Variants in PCSK5 observed in about 807,000 individuals in gnomAD.
PCSK5 encodes proprotein convertase subtilisin/kexin type 5, also known as prohormone convertase 5.
In PCSK5, 129 loss-of-function variants were observed where a neutral mutation model predicts 233.2. The ratio of observed to expected loss-of-function variants is 0.55; its 90% CI spans 0.48 to 0.64. The LOEUF is 0.64. PCSK5 is among the 30% of genes least tolerant of loss of function. The probability of loss-of-function intolerance (pLI) is 0.00; values close to 1 mark genes in which losing one functional copy is unlikely to be tolerated. For synonymous variants in PCSK5, 825 were observed against 879.2 expected (o/e 0.94, Z 1.09); for missense variants, 2,076 against 2,430.1 (o/e 0.85, Z 3.06).
rs910081352 is a variant in PCSK5, at chr9:76,300,850, T to C, written c.3524-1287T>C. 2.0e-5 allele frequency among the ~76,000 whole-genome samples: 3 copies of C among 152,202 alleles called. 1 individual carries two copies. Among genetic ancestry groups the C allele is most frequent in the African/African-American group, 7.2e-5 (3 of 41,450 alleles). On this transcript the variant is annotated intron_variant, in intron 27 of 37. Coordinates refer to ENST00000674117, the MANE Select transcript of PCSK5 (RefSeq NM_001372043.1). ...TTTAAGAATGAAATGAGAAAATGTA[T>C]ATAAAGCTCTCAGGACACATATAAC...
intron 24 of PCSK5, among the ~76,000 whole-genome samples, chr9:76,266,175 A>G (rs989330636): frequency 9.2e-5 from 14 of 152,228 alleles, no homozygotes; most frequent in African/African-American, 3.1e-4. Context: ...CTGGTTTTAC[A>G]TGCTAAGTTC....
intron 20 of PCSK5, among the ~76,000 whole-genome samples, chr9:76,225,340 G>A (rs987638279): frequency 4.6e-5 from 7 of 152,308 alleles, no homozygotes; most frequent in Non-Finnish European, 7.4e-5. Flanking sequence ...GAATGGATAA[G>A]CTGTGCTCTC....
At chr9:76,319,888 C>G (rs563162355) in intron 30 of PCSK5, among the ~76,000 whole-genome samples, 107 of 152,274 alleles carry the variant, frequency 7.0e-4, no homozygotes, top group Non-Finnish European at 1.2e-3. Flanking sequence ...CTTATAAGTG[C>G]AGAGAAGAAA....
intron 3 of PCSK5, among the ~76,000 whole-genome samples, chr9:76,006,092 TG>T (rs1408696979): frequency 6.6e-6 from 1 of 151,932 alleles, no homozygotes; most frequent in African/African-American, 2.4e-5. Context: ...TTGGCTTGTT[TG>T]ATGGGTGAGA....
chr9:76,052,646 C>A (rs1324908149), intron 5 of PCSK5, among the ~76,000 whole-genome samples: 1 of 152,158 alleles, frequency 6.6e-6, no homozygotes, highest in Non-Finnish European at 1.5e-5. Context: ...CAAACCATAT[C>A]ATTCTGTCCC....
intron 2 of PCSK5, among the ~76,000 whole-genome samples, chr9:75,963,567 G>A (rs1307774635): frequency 3.3e-5 from 5 of 152,116 alleles, no homozygotes; most frequent in African/African-American, 7.2e-5. Context: ...GTTTGAGTTC[G>A]TTTTTACTTT....
intron 5 of PCSK5, among the ~76,000 whole-genome samples, chr9:76,046,359 G>A (rs1829392761): frequency 6.7e-6 from 1 of 150,106 alleles, no homozygotes; most frequent in South Asian, 2.1e-4. Flanking sequence ...TGTATTTTTA[G>A]TGGAGACGGG....
intron 7 of PCSK5, among the ~76,000 whole-genome samples, chr9:76,080,501 C>A (rs1291212757): frequency 6.6e-6 from 1 of 152,180 alleles, no homozygotes; most frequent in African/African-American, 2.4e-5. Flanking sequence ...TTATAAATGA[C>A]TTCCATGCCA....
chr9:76,257,086 G>A, intron 24 of PCSK5, among the ~76,000 whole-genome samples: 1 of 152,072 alleles, frequency 6.6e-6, no homozygotes, highest in East Asian at 1.9e-4. Context: ...GAAGCCTGTT[G>A]GTGTATCTGA....
chr9:76,244,008 G>A (rs1826505965), intron 24 of PCSK5, among the ~76,000 whole-genome samples: 1 of 152,198 alleles, frequency 6.6e-6, no homozygotes, highest in African/African-American at 2.4e-5. Context: ...CAGATCACTT[G>A]AGCCCAGGAG....
intron 28 of PCSK5, among the ~76,000 whole-genome samples, chr9:76,307,117 A>T (rs1482050721): frequency 6.9e-6 from 1 of 144,508 alleles, no homozygotes; most frequent in Non-Finnish European, 1.5e-5. Flanking sequence ...CAATCCTATA[A>T]GGGCAGAATT....
Position 76,350,838 on chromosome 9 carries a change from G to A in PCSK5, c.4977G>A (p.Ala1659=), listed in dbSNP as rs373655020. 95 of 1,593,514 alleles carry A rather than the reference G, an allele frequency of 6.0e-5. No homozygotes were observed. The South Asian group carries it at 6.4e-4, about 11-fold the overall frequency. ...TGTTTTCTCTTTCAGGAAAAGGAGC[G>A]TTGAATTGTTTATCCTGTGTGTGGA... The part of the protein sequence containing the change: ...PTCDQCKGKG[A]LNCLSCVWSY... Residue 1659 remains alanine (A), a synonymous_variant, in exon 36 of 38, where the codon GCG becomes GCA. Transcript: ENST00000674117.
chr9:75,952,857 A>G (rs1408695174), intron 2 of PCSK5, among the ~76,000 whole-genome samples: 1 of 152,180 alleles, frequency 6.6e-6, no homozygotes, highest in Non-Finnish European at 1.5e-5. Flanking sequence ...TTGTTGATCC[A>G]TTCACCAGTT....
chr9:76,184,873 T>A, intron 17 of PCSK5, 116 bp downstream of exon 17: 1 of 566,326 alleles, frequency 1.8e-6, no homozygotes, highest in East Asian at 3.1e-5. Flanking sequence ...TACCCTGGGT[T>A]TGACTCCCAT....
At chr9:76,257,059 G>A (rs1056099660) in intron 24 of PCSK5, among the ~76,000 whole-genome samples, 9 of 152,106 alleles carry the variant, frequency 5.9e-5, no homozygotes, top group South Asian at 2.1e-4. Context: ...TTCTCTCTAC[G>A]TTCACCCTTT....
intron 20 of PCSK5, among the ~76,000 whole-genome samples, chr9:76,208,795 C>T (rs1224873999): frequency 6.6e-6 from 1 of 152,058 alleles, no homozygotes; most frequent in Non-Finnish European, 1.5e-5. Context: ...TTTTTCCAAC[C>T]TGGATGGTTT....
At chr9:75,918,182 G>GA (rs1357835021) in intron 1 of PCSK5, among the ~76,000 whole-genome samples, 4 of 152,142 alleles carry the variant, frequency 2.6e-5, no homozygotes, top group African/African-American at 4.8e-5. Flanking sequence ...CGTTATAAAA[G>GA]AATACAAATT....
intron 2 of PCSK5, among the ~76,000 whole-genome samples, chr9:75,978,615 C>G (rs1826128168): frequency 6.6e-6 from 1 of 152,148 alleles, no homozygotes; most frequent in African/African-American, 2.4e-5. Flanking sequence ...GTAAAGATCA[C>G]ACACAGGATG....
intron 1 of PCSK5, among the ~76,000 whole-genome samples, chr9:75,907,318 G>A (rs117433468): frequency 0.017 from 2,598 of 152,106 alleles, 36 homozygotes; most frequent in South Asian, 0.034. Context: ...TGGAACGTAC[G>A]TAAAATGTAA....
Sources: allele counts gnomAD v4.1 joint callset (sites outside exome capture counted in the v4.1 genomes callset), GRCh38; gene constraint gnomAD v4.1.1; transcripts MANE v1.5; gene names NCBI Gene and HGNC (gene_info 2026-07-23, HGNC 2026-07-21).